Variants in PRKCE observed in about 807,000 individuals in gnomAD.
The protein encoded by PRKCE is protein kinase C epsilon type.
In PRKCE, 16 loss-of-function variants were observed where a neutral mutation model predicts 85.4. The ratio of observed to expected loss-of-function variants is 0.19; its 90% CI spans 0.13 to 0.28. PRKCE has a LOEUF of 0.28. Ranked by LOEUF, PRKCE falls within the 10% of genes least tolerant of loss-of-function variation. The pLI is 1.00. For missense variants in PRKCE, 573 were observed against 975.2 expected (o/e 0.59, Z 5.49); for synonymous variants, 388 against 371.5 (o/e 1.04, Z -0.51).
chr2:45,727,302 C>T (rs1003247782), intron 1 of PRKCE, among the ~76,000 whole-genome samples: 3 of 152,140 alleles, frequency 2.0e-5, no homozygotes, highest in African/African-American at 4.8e-5. Flanking sequence ...TTTTGGAAGT[C>T]TTTTTATGGA....
chr2:45,725,780 G>A (rs973225656), intron 1 of PRKCE, among the ~76,000 whole-genome samples: 1 of 151,534 alleles, frequency 6.6e-6, no homozygotes, highest in African/African-American at 2.4e-5. Flanking sequence ...GCAGTGAACC[G>A]AGATCACATC....
chr2:45,692,558 A>G (rs573830724), intron 1 of PRKCE, among the ~76,000 whole-genome samples: 1 of 152,286 alleles, frequency 6.6e-6, no homozygotes, highest in East Asian at 1.9e-4. Context: ...GAGGGCTAGG[A>G]CTTCTACATA....
At chr2:45,987,609 A>T (rs1341271364) in intron 6 of PRKCE, among the ~76,000 whole-genome samples, 1 of 150,236 alleles carries the variant, frequency 6.7e-6, no homozygotes, top group African/African-American at 2.5e-5. Flanking sequence ...CCCCACCAGC[A>T]TCCCCACCAC....
intron 1 of PRKCE, among the ~76,000 whole-genome samples, chr2:45,833,315 A>G (rs1690591780): frequency 2.6e-5 from 4 of 152,160 alleles, no homozygotes; most frequent in African/African-American, 9.7e-5. Context: ...CCTCTGTTTC[A>G]CATGGATTCA....
chr2:45,760,811 T>C (rs1684407012), intron 1 of PRKCE, among the ~76,000 whole-genome samples: 1 of 152,164 alleles, frequency 6.6e-6, no homozygotes, highest in African/African-American at 2.4e-5. Context: ...CATCATATAA[T>C]TACCCTGTCT....
chr2:46,053,331 A>G (rs1181420582), intron 10 of PRKCE, among the ~76,000 whole-genome samples: 1 of 152,166 alleles, frequency 6.6e-6, no homozygotes, highest in East Asian at 1.9e-4. Flanking sequence ...CCCCCCGATT[A>G]TTTATTGTGG....
At chr2:45,957,924 T>TTTC (rs2104391298) in intron 2 of PRKCE, among the ~76,000 whole-genome samples, 1 of 150,760 alleles carries the variant, frequency 6.6e-6, no homozygotes, top group East Asian at 2.0e-4. Context: ...TCTATTTTTT[T>TTTC]TTTTTTTTTT....
intron 1 of PRKCE, among the ~76,000 whole-genome samples, chr2:45,661,138 T>A (rs1423064510): frequency 6.6e-6 from 1 of 152,238 alleles, no homozygotes; most frequent in Non-Finnish European, 1.5e-5. Context: ...ACTGAGCTCC[T>A]GACCCCAAGA....
chr2:45,791,760 G>T (rs1240511433), intron 1 of PRKCE, among the ~76,000 whole-genome samples: 1 of 152,152 alleles, frequency 6.6e-6, no homozygotes, highest in Non-Finnish European at 1.5e-5. Flanking sequence ...GGTGCTAAAG[G>T]GTCACTGAGG....
intron 1 of PRKCE, among the ~76,000 whole-genome samples, chr2:45,767,407 C>T (rs1684997090): frequency 6.6e-6 from 1 of 152,206 alleles, no homozygotes; most frequent in South Asian, 2.1e-4. Flanking sequence ...ATCATCTCAG[C>T]ATCTTGGTTA....
At chr2:45,693,574 C>A (rs1677908725) in intron 1 of PRKCE, among the ~76,000 whole-genome samples, 1 of 152,186 alleles carries the variant, frequency 6.6e-6, no homozygotes, top group African/African-American at 2.4e-5. Context: ...GGGCTGGGTC[C>A]TGTCTTGAGC....
At chr2:45,984,701 C>A in intron 6 of PRKCE, 21 bp downstream of exon 6, 1 of 1,588,608 alleles carries the variant, frequency 6.3e-7, no homozygotes, top group Non-Finnish European at 8.5e-7. Context: ...CCCTGCCCTG[C>A]CCTCAGCCCC....
intron 1 of PRKCE, among the ~76,000 whole-genome samples, chr2:45,838,115 T>C (rs1205632336): frequency 6.6e-6 from 1 of 152,040 alleles, no homozygotes; most frequent in African/African-American, 2.4e-5. Context: ...CAGAGCACCA[T>C]GGGGTGGTCA....
intron 11 of PRKCE, 103 bp from the exon 12 acceptor site, chr2:46,144,990 T>A: frequency 6.6e-7 from 1 of 1,526,168 alleles, no homozygotes; most frequent in Non-Finnish European, 8.9e-7. Flanking sequence ...TTTCAGGACT[T>A]TTTTGCTGGA....
chr2:45,729,400 T>C (rs1681367493), intron 1 of PRKCE, among the ~76,000 whole-genome samples: 2 of 152,218 alleles, frequency 1.3e-5, no homozygotes, highest in Admixed American at 1.3e-4. Flanking sequence ...GGTGTGATCC[T>C]AATACGCTTA....
rs144985317 is a variant in PRKCE at position 45,993,293 on chromosome 2, C to G, written c.824-8111C>G. Among the ~76,000 whole-genome samples the G allele has an allele frequency of 3.2e-3, 490 of 152,364 alleles. 2 individuals are homozygous for G. Among genetic ancestry groups the G allele is most frequent in the African/African-American group, 0.011 (461 of 41,582 alleles). ...CTGCAGCCTCCAGGAGCCCATCTTG[C>G]TCCCGTTATGGCTGCCCAGAGTAAC... On this transcript the variant is annotated intron_variant, in intron 6 of 14. Transcript: ENST00000306156.
At chr2:46,056,307 A>G (rs1666578835) in intron 10 of PRKCE, among the ~76,000 whole-genome samples, 1 of 150,250 alleles carries the variant, frequency 6.7e-6, no homozygotes, top group Admixed American at 6.7e-5. Context: ...TCTCTCCTCC[A>G]GGTGTGCTTT....
At chr2:46,085,739 T>TG (rs1244806149) in intron 10 of PRKCE, among the ~76,000 whole-genome samples, 1 of 17,390 alleles carries the variant, frequency 5.8e-5, no homozygotes, top group Non-Finnish European at 1.4e-4. Context: ...AAAATCCGTT[T>TG]TTTTTTTTTG....
At chr2:46,024,557 G>C (rs1314320951) in intron 10 of PRKCE, among the ~76,000 whole-genome samples, 1 of 152,118 alleles carries the variant, frequency 6.6e-6, no homozygotes, top group Non-Finnish European at 1.5e-5. Flanking sequence ...TTGTGTGCGG[G>C]TTGCTAGGAA....
Sources: allele counts gnomAD v4.1 joint callset (sites outside exome capture counted in the v4.1 genomes callset), GRCh38; gene constraint gnomAD v4.1.1; transcripts MANE v1.5; gene names NCBI Gene and HGNC (gene_info 2026-07-23, HGNC 2026-07-21).